Variants in DDX47 observed in about 807,000 individuals in gnomAD.
The protein encoded by DDX47 is DEAD-box helicase 47.
DDX47 carries 60 observed loss-of-function variants against 58.8 expected under a neutral mutation model. The observed-to-expected ratio is 1.02, with a 90% CI of 0.83 to 1.26. DDX47 has a LOEUF of 1.26. DDX47 is among the 50% of genes most tolerant of loss of function. The pLI, the probability that DDX47 is intolerant of heterozygous loss-of-function variation, is 0.00. For missense variants in DDX47, 530 were observed against 573.2 expected, an observed-to-expected ratio of 0.92 and a Z score of 0.77; for synonymous variants, 197 against 204.6, an observed-to-expected ratio of 0.96 and a Z score of 0.32.
intron 2 of DDX47, among the ~76,000 whole-genome samples, 185 bp from the exon 3 acceptor site, chr12:12,821,023 C>T (rs1244147652): frequency 6.6e-6 from 1 of 152,204 alleles, no homozygotes; most frequent in Non-Finnish European, 1.5e-5. Flanking sequence ...TTGTCTGTCT[C>T]ACCACTGGGT....
At chr12:12,824,436 C>A in intron 8 of DDX47, 104 bp from the exon 9 acceptor site, 2 of 1,356,586 alleles carry the variant, frequency 1.5e-6, no homozygotes, top group Non-Finnish European at 2.0e-6. Context: ...GGGGGAAAAA[C>A]CTTTAAAAAA....
In DDX47 at chr12:12,813,413, C is replaced by T; in HGVS notation, c.46C>T (p.Pro16Ser). The change falls in exon 1 of 12, where the codon CCG becomes TCG. Residue 16 changes from proline (P) to serine (S), a missense_variant. Transcript: ENST00000358007. ...CGATTCTCCGACCGAAGCGTCCCAG[C>T]CGATTGTGGAAGAGGAGGAAACTAA... The part of the protein sequence containing the change: ...EHDSPTEASQ[P>S]IVEEEETKTF... 6.2e-7 allele frequency: 1 copy of T among 1,613,442 alleles called. No homozygotes were observed. The highest frequency in any genetic ancestry group is 8.5e-7 in the Non-Finnish European group (1 of 1,179,692).
chr12:12,816,260 G>A (rs1862896222), intron 2 of DDX47, among the ~76,000 whole-genome samples: 1 of 152,150 alleles, frequency 6.6e-6, no homozygotes, highest in African/African-American at 2.4e-5. Context: ...TAGCCAGGAT[G>A]GATAAGTTCT....
chr12:12,820,890 A>G (rs1328533377), intron 2 of DDX47: 2 of 331,906 alleles, frequency 6.0e-6, no homozygotes, highest in Admixed American at 4.8e-5. Context: ...GTTTTAACTC[A>G]CTTATCACCT....
intron 10 of DDX47, 71 bp from the exon 11 acceptor site, chr12:12,827,174 TA>T (rs2136426306): frequency 6.4e-7 from 1 of 1,551,864 alleles, no homozygotes; most frequent in African/African-American, 1.4e-5. Flanking sequence ...TTGTATCATA[TA>T]ATAATAGTTT....
Position 12,823,339 on chromosome 12 carries a change from C to A in DDX47, c.750+20C>A. 3 of 1,338,774 alleles carry A rather than the reference C, an allele frequency of 2.2e-6. No individual in the cohort carries two copies. The highest frequency in any genetic ancestry group is 1.2e-5 in the South Asian group (1 of 85,288). 82.9% of individuals were successfully genotyped at this position (1,338,774 alleles called of 1,614,324 possible). ...TTCAAGGTAAAATGTTTACTTTGATCATTCCTGCCTCTCCCTCTTCTTTTC... is the reference window on the plus strand; with the variant it reads ...TTCAAGGTAAAATGTTTACTTTGATAATTCCTGCCTCTCCCTCTTCTTTTC... On this transcript the variant is annotated intron_variant, in intron 7 of 11. Coordinates refer to ENST00000358007, the MANE Select transcript of DDX47 (RefSeq NM_016355.4).
chr12:12,827,374 T>A lies in DDX47; in HGVS notation c.1235T>A (p.Met412Lys), dbSNP rs200036809. 106 of 1,614,136 alleles carry A rather than the reference T, an allele frequency of 6.6e-5. No individual in the cohort carries two copies. In the East Asian group the frequency reaches 1.6e-3, roughly 24 times the overall value. Residue 412 changes from methionine to lysine, a missense_variant and splice_region_variant, in exon 11 of 12, where the codon ATG (methionine) becomes AAG (lysine). By Grantham distance (95) the Met-to-Lys change is moderately conservative. Coordinates refer to ENST00000358007, the MANE Select transcript of DDX47 (RefSeq NM_016355.4). ...RVAEAQRFAR[M>K]ELREHGEKKK... Reference sequence around the variant, plus strand: ...GCTGAAGCCCAAAGGTTTGCCCGAATGGTATGCATCTTTCTTTTCTCACCA... The same window carrying A: ...GCTGAAGCCCAAAGGTTTGCCCGAAAGGTATGCATCTTTCTTTTCTCACCA...
chr12:12,827,195 C>A, intron 10 of DDX47, 51 bp from the exon 11 acceptor site: 1 of 1,595,210 alleles, frequency 6.3e-7, no homozygotes, highest in South Asian at 1.1e-5. Context: ...TGGGAATGGA[C>A]AGGCATTTGC....
At chr12:12,821,112 T>A (rs995626485) in intron 2 of DDX47, 96 bp from the exon 3 acceptor site, 1 of 1,245,818 alleles carries the variant, frequency 8.0e-7, no homozygotes, top group Non-Finnish European at 1.1e-6. Flanking sequence ...CAGATATTTA[T>A]TAAGCGTCTA....
At position 12,814,074 on chromosome 12, in the gene DDX47, AG is replaced by A; in HGVS notation, c.88-55del. 2.9e-6 allele frequency: 3 copies of A among 1,050,974 alleles called. No homozygotes were observed. The Admixed American group carries it at 5.1e-5, about 18-fold the overall frequency. The allele number at this position is 1,050,974 out of a possible 1,614,324, so 65.1% of individuals were successfully genotyped here. A position where few individuals can be genotyped will look rare whatever the true frequency, so the allele number is the denominator to read the frequency against. ...TGATGGGTCTGACAGTCAGTTAAGT[AG>A]GAGGGAGGTAGGGGTGTGCTGTTCT... On this transcript the variant is annotated intron_variant, in intron 1 of 11. Transcript: ENST00000358007.
At chr12:12,815,249 T>G (rs542339739) in intron 2 of DDX47, among the ~76,000 whole-genome samples, 1 of 152,314 alleles carries the variant, frequency 6.6e-6, no homozygotes, top group African/African-American at 2.4e-5. Flanking sequence ...CATTAGTAAT[T>G]AATGTAGTGA....
At position 12,823,949 on chromosome 12, in the gene DDX47, A is replaced by G. The variant is rs886614693; in HGVS notation, c.830A>G (p.Gln277Arg). Residue 277 changes from glutamine (Q) to arginine (R), a missense_variant, in exon 8 of 12, where the codon CAG (glutamine) becomes CGG (arginine). Transcript: ENST00000358007. ...TTCTGCAGCACCTGTAATAATACCCAGAGAACAGCTTTGCTACTGCGAAAT... is the reference window on the plus strand; with the variant it reads ...TTCTGCAGCACCTGTAATAATACCCGGAGAACAGCTTTGCTACTGCGAAAT... ...MIFCSTCNNTQRTALLLRNLG... is the reference protein window; with the variant it reads ...MIFCSTCNNTRRTALLLRNLG... 1 of 1,614,196 alleles carries G rather than the reference A, an allele frequency of 6.2e-7. No homozygotes were observed. The highest frequency in any genetic ancestry group is 8.5e-7 in the Non-Finnish European group (1 of 1,180,024).
chr12:12,827,461 G>A, intron 11 of DDX47, 86 bp downstream of exon 11: 1 of 1,429,330 alleles, frequency 7.0e-7, no homozygotes, highest in Non-Finnish European at 9.6e-7. Context: ...ATACTAAACT[G>A]CAGAAGCTGG....
intron 2 of DDX47, among the ~76,000 whole-genome samples, chr12:12,818,477 C>T (rs1352735951): frequency 3.3e-5 from 5 of 151,572 alleles, no homozygotes; most frequent in Admixed American, 6.6e-5. Flanking sequence ...GCCGAGATCT[C>T]GCCACTGCAC....
intron 6 of DDX47, among the ~76,000 whole-genome samples, 193 bp downstream of exon 6, chr12:12,822,925 G>A (rs1046030510): frequency 2.6e-5 from 4 of 152,202 alleles, no homozygotes; most frequent in African/African-American, 9.6e-5. Context: ...AAGACCTCAG[G>A]AAACTTACAA....
intron 10 of DDX47, among the ~76,000 whole-genome samples, chr12:12,826,996 A>C (rs78654140): frequency 1.3e-5 from 2 of 151,992 alleles, no homozygotes; most frequent in African/African-American, 4.8e-5. Flanking sequence ...GTCTCAAGTG[A>C]TTCTCCTGCT....
At chr12:12,825,943 GT>G in intron 9 of DDX47, 56 bp from the exon 10 acceptor site, 15 of 1,397,986 alleles carry the variant, frequency 1.1e-5, no homozygotes, top group Admixed American at 4.7e-5. Context: ...TGCATATGTA[GT>G]TTTTTTTAAA....
chr12:12,819,022 A>G (rs549555831), intron 2 of DDX47, among the ~76,000 whole-genome samples: 6 of 152,302 alleles, frequency 3.9e-5, no homozygotes, highest in African/African-American at 9.6e-5. Flanking sequence ...CTGATCTGGC[A>G]TGGCAGATCC....
chr12:12,823,619 C>T lies in DDX47; in HGVS notation c.751-251C>T, dbSNP rs1232361158. ...GTGGCTTTTATTTAGGATGAAGCCCCTGGTTTTGTGCTTTGATATAAGGAC... is the reference window on the plus strand; with the variant it reads ...GTGGCTTTTATTTAGGATGAAGCCCTTGGTTTTGTGCTTTGATATAAGGAC... On this transcript the variant is annotated intron_variant, in intron 7 of 11. Transcript: ENST00000358007. 1.5e-5 allele frequency: 8 copies of T among 551,694 alleles called. No homozygotes were observed. In the East Asian group the frequency reaches 2.4e-4, roughly 16 times the overall value. 34.2% of individuals were successfully genotyped at this position (551,694 alleles called of 1,614,324 possible).
Sources: gnomAD v4.1 joint callset for allele counts (sites outside exome capture counted in the v4.1 genomes callset) on GRCh38, gnomAD v4.1.1 for gene constraint, MANE v1.5 for transcripts, NCBI Gene and HGNC (gene_info 2026-07-23, HGNC 2026-07-21) for gene names.